TMEM132B: variants seen among roughly 807,000 people sequenced by gnomAD.
TMEM132B encodes transmembrane protein 132B.
Under a neutral mutation model 90.8 loss-of-function variants are expected in TMEM132B, and 18 were observed. That is an observed-to-expected ratio of 0.20 (90% CI 0.14 to 0.29). The LOEUF is 0.29. Among genes scored for constraint, TMEM132B ranks in the 10% least tolerant of loss-of-function variants. The probability of loss-of-function intolerance (pLI) is 1.00; values close to 1 mark genes in which losing one functional copy is unlikely to be tolerated. For missense variants in TMEM132B, 1,096 were observed against 1,326.8 expected (o/e 0.83, Z 2.70); for synonymous variants, 504 against 523.3 (o/e 0.96, Z 0.50).
chr12:125,526,146 G>A (rs1395355507), intron 4 of TMEM132B, among the ~76,000 whole-genome samples: 1 of 152,140 alleles, frequency 6.6e-6, no homozygotes, highest in Admixed American at 6.5e-5. Context: ...CCCGTTACCA[G>A]CCTCCCTCCT....
chr12:125,224,649 C>T (rs138952576), intron 1 of TMEM132B, among the ~76,000 whole-genome samples: 165 of 152,314 alleles, frequency 1.1e-3, no homozygotes, highest in African/African-American at 3.6e-3. Context: ...CTCCAAGGGA[C>T]GCTTAGAGGT....
chr12:125,523,327 T>G (rs1220150289), intron 4 of TMEM132B, among the ~76,000 whole-genome samples: 1 of 152,164 alleles, frequency 6.6e-6, no homozygotes, highest in East Asian at 1.9e-4. Flanking sequence ...CTGTACCGTT[T>G]CCAGCTTCTA....
At chr12:125,302,531 A>G (rs1358913065) in intron 1 of TMEM132B, among the ~76,000 whole-genome samples, 3 of 152,182 alleles carry the variant, frequency 2.0e-5, no homozygotes, top group Non-Finnish European at 4.4e-5. Flanking sequence ...GATAGCCAGT[A>G]CAGACACACA....
chr12:125,637,827 C>T (rs1255286812), intron 5 of TMEM132B, among the ~76,000 whole-genome samples: 1 of 152,098 alleles, frequency 6.6e-6, no homozygotes, highest in African/African-American at 2.4e-5. Context: ...TGACGAAAAG[C>T]ACATCAGTGG....
intron 1 of TMEM132B, among the ~76,000 whole-genome samples, chr12:125,214,781 G>T (rs1873397483): frequency 6.6e-6 from 1 of 152,204 alleles, no homozygotes; most frequent in Admixed American, 6.5e-5. Context: ...CCCGGAAGCT[G>T]ACCCACAAGG....
chr12:125,530,316 T>C (rs1265330002), intron 4 of TMEM132B, among the ~76,000 whole-genome samples: 2 of 151,942 alleles, frequency 1.3e-5, no homozygotes, highest in East Asian at 3.9e-4. Flanking sequence ...CTCTCTCTCT[T>C]TCTCTCTGTC....
At chr12:125,358,265 A>C (rs1877851216) in intron 2 of TMEM132B, among the ~76,000 whole-genome samples, 1 of 151,990 alleles carries the variant, frequency 6.6e-6, no homozygotes, top group Non-Finnish European at 1.5e-5. Flanking sequence ...CTTTTTAAAA[A>C]ATTTTTTAGC....
intron 2 of TMEM132B, among the ~76,000 whole-genome samples, chr12:125,383,642 T>G (rs1377857260): frequency 6.6e-6 from 1 of 152,246 alleles, no homozygotes; most frequent in Non-Finnish European, 1.5e-5. Flanking sequence ...TCAGTGCATA[T>G]TTTTACAAAG....
chr12:125,289,065 C>T (rs991828550), intron 1 of TMEM132B, among the ~76,000 whole-genome samples: 1 of 152,162 alleles, frequency 6.6e-6, no homozygotes, highest in Non-Finnish European at 1.5e-5. Flanking sequence ...CTTACCTATT[C>T]TTAAGAGAAT....
chr12:125,565,301 C>A lies in TMEM132B; in HGVS notation c.1294-18550C>A, dbSNP rs544207761. ...TGTTGAGCTGCCATGCATGCTCAAA[C>A]CCTGTGTGGGAGGGGATACATGCAG... is the stretch of plus-strand genomic sequence containing the variant. On this transcript the variant is annotated intron_variant, in intron 4 of 8. Transcript: ENST00000682704. Among the ~76,000 whole-genome samples the A allele has an allele frequency of 4.0e-3, 616 of 152,256 alleles. 3 individuals carry two copies. The highest frequency in any genetic ancestry group is 6.8e-3 in the Non-Finnish European group (464 of 68,014).
At chr12:125,507,933 G>A (rs950393294) in intron 3 of TMEM132B, among the ~76,000 whole-genome samples, 1 of 152,132 alleles carries the variant, frequency 6.6e-6, no homozygotes, top group African/African-American at 2.4e-5. Context: ...CAGTCGCCCC[G>A]GCAAGAGACG....
rs571236464 is a variant in TMEM132B, at chr12:125,337,526, G to T, written c.68-11926G>T. Among the ~76,000 whole-genome samples the T allele has an allele frequency of 3.3e-4, 50 of 152,286 alleles. No homozygotes were observed. The South Asian group carries it at 9.5e-3, about 29-fold the overall frequency. On this transcript the variant is annotated intron_variant, in intron 1 of 8. Coordinates refer to ENST00000682704, the MANE Select transcript of TMEM132B (RefSeq NM_001366854.1). Reference sequence around the variant, plus strand: ...GACACTCCTGCTTCTCTTTCAAGAAGAAGTCTTGTGGCCATACGTGGATAC... The same window carrying T: ...GACACTCCTGCTTCTCTTTCAAGAATAAGTCTTGTGGCCATACGTGGATAC...
intron 5 of TMEM132B, among the ~76,000 whole-genome samples, chr12:125,638,591 T>C (rs1886546674): frequency 1.3e-5 from 2 of 152,010 alleles, no homozygotes; most frequent in African/African-American, 4.8e-5. Flanking sequence ...ACATACTACC[T>C]GATTCTGTAG....
At chr12:125,385,745 T>G (rs572762789) in intron 2 of TMEM132B, among the ~76,000 whole-genome samples, 32 of 152,356 alleles carry the variant, frequency 2.1e-4, no homozygotes, top group African/African-American at 7.0e-4. Context: ...TATTTTTTAT[T>G]GAAACCATGG....
intron 4 of TMEM132B, among the ~76,000 whole-genome samples, chr12:125,540,761 G>A (rs560699512): frequency 3.3e-5 from 5 of 152,258 alleles, no homozygotes; most frequent in South Asian, 4.1e-4. Flanking sequence ...TGCTCTCCAC[G>A]CAGCAGCCAG....
chr12:125,345,911 A>G (rs962474219), intron 1 of TMEM132B, among the ~76,000 whole-genome samples: 1 of 152,182 alleles, frequency 6.6e-6, no homozygotes, highest in Non-Finnish European at 1.5e-5. Flanking sequence ...TGGTGTTACT[A>G]TGTGACATTT....
chr12:125,486,757 G>A (rs536081401), intron 3 of TMEM132B, among the ~76,000 whole-genome samples: 4 of 152,316 alleles, frequency 2.6e-5, no homozygotes, highest in Non-Finnish European at 5.9e-5. Flanking sequence ...AGACAAACGT[G>A]TATGATTGCT....
At chr12:125,373,943 C>T (rs191967277) in intron 2 of TMEM132B, among the ~76,000 whole-genome samples, 1 of 152,262 alleles carries the variant, frequency 6.6e-6, no homozygotes, top group African/African-American at 2.4e-5. Context: ...TACAGGCACG[C>T]ACCACCAAGC....
intron 5 of TMEM132B, among the ~76,000 whole-genome samples, chr12:125,607,846 G>A (rs956651369): frequency 6.6e-6 from 1 of 152,034 alleles, no homozygotes; most frequent in Non-Finnish European, 1.5e-5. Flanking sequence ...TCATATAAAC[G>A]GAATCATACA....
Sources: allele counts gnomAD v4.1 joint callset (sites outside exome capture counted in the v4.1 genomes callset), GRCh38; gene constraint gnomAD v4.1.1; transcripts MANE v1.5; gene names NCBI Gene and HGNC (gene_info 2026-07-23, HGNC 2026-07-21).